CCDC163: variants seen among roughly 807,000 people sequenced by gnomAD.
CCDC163 encodes CCDC163 homolog.
CCDC163 carries 13 observed loss-of-function variants against 8.2 expected under a neutral mutation model. The ratio of observed to expected loss-of-function variants is 1.59; its 90% CI spans 1.04 to 2.54. CCDC163 has a LOEUF of 2.54. Ranked by LOEUF, CCDC163 falls within the 30% of genes most tolerant of loss-of-function variation. The pLI, the probability that CCDC163 is intolerant of heterozygous loss-of-function variation, is 0.00. For missense variants in CCDC163, 117 were observed against 78.6 expected (o/e 1.49, Z -1.85); for synonymous variants, 41 against 30.9 (o/e 1.33, Z -1.08).
intron 2 of CCDC163, among the ~76,000 whole-genome samples, chr1:45,498,883 C>A (rs1456579785): frequency 1.3e-5 from 2 of 152,234 alleles, no homozygotes; most frequent in Non-Finnish European, 2.9e-5. Flanking sequence ...GTGCCTGTCA[C>A]CTCCCCAGGC....
chr1:45,495,653 CT>C, intron 4 of CCDC163: 1 of 572,776 alleles, frequency 1.7e-6, no homozygotes, highest in African/African-American at 2.2e-5. Flanking sequence ...GGTCTCCTCC[CT>C]CTTTTTTTTT....
chr1:45,496,626 G>A lies in CCDC163; in HGVS notation c.263-3C>T, dbSNP rs1267269117. On this transcript the variant is annotated splice_polypyrimidine_tract_variant and splice_region_variant and intron_variant, in intron 3 of 4. Transcript: ENST00000629482. ...CAGCAGCAGCTCCTGGTGCTGGCCT[G>A]CAGATGAGAGAGAATGTAAGGGGGC... 3.9e-6 allele frequency: 3 copies of A among 779,090 alleles called. No homozygotes were observed. Among genetic ancestry groups the A allele is most frequent in the South Asian group, 2.7e-5 (2 of 74,024 alleles). The allele number at this position is 779,090 out of a possible 1,614,324, so 48.3% of individuals were successfully genotyped here.
At chr1:45,496,519 G>A (rs1227552359) in intron 4 of CCDC163, 37 bp downstream of exon 4, 3 of 776,398 alleles carry the variant, frequency 3.9e-6, no homozygotes, top group Non-Finnish European at 4.8e-6. Context: ...GTCCTCCATA[G>A]AGAAATATGC....
intron 2 of CCDC163, 32 bp from the exon 3 acceptor site, chr1:45,497,415 G>A (rs774295136): frequency 2.8e-5 from 22 of 774,848 alleles, no homozygotes; most frequent in Non-Finnish European, 4.6e-5. Flanking sequence ...AGAGTAAGAA[G>A]GCAAGTAGAG....
At chr1:45,495,374 G>A (rs545733399) in intron 4 of CCDC163, 1 of 702,974 alleles carries the variant, frequency 1.4e-6, no homozygotes, top group Non-Finnish European at 2.6e-6. Context: ...GCACCATTCA[G>A]ATTTAGCCTC....
At chr1:45,496,732 A>G in intron 3 of CCDC163, 109 bp from the exon 4 acceptor site, 1 of 665,536 alleles carries the variant, frequency 1.5e-6, no homozygotes, top group Non-Finnish European at 2.7e-6. Context: ...ATTCTGGCTC[A>G]GCCATTGGGA....
intron 2 of CCDC163, 76 bp from the exon 3 acceptor site, chr1:45,497,459 G>T: frequency 1.4e-6 from 1 of 704,028 alleles, no homozygotes. Flanking sequence ...TAGAGAGGAT[G>T]ATCCCCAACT....
rs532234765 is a variant in CCDC163, at chr1:45,499,428, G to A, written c.94C>T (p.Leu32Phe). 2 of 772,776 alleles carry A rather than the reference G, an allele frequency of 2.6e-6. No homozygotes were observed. Among genetic ancestry groups the A allele is most frequent in the African/African-American group, 3.4e-5 (2 of 59,150 alleles). The allele number at this position is 772,776 out of a possible 1,614,324, so 47.9% of individuals were successfully genotyped here. Residue 32 changes from leucine to phenylalanine, a missense_variant, in exon 2 of 5, where the codon CTT becomes TTT. Physicochemically the swap from Leu to Phe is conservative, Grantham distance 22. Transcript: ENST00000629482. ...VVRNKQWLYP[L>F]GVSTELIGLC... ...CCAATGAGCTCTGTGGAGACCCCAA[G>A]AGGATACAGCCACTGCTACAAAAGA...
chr1:45,496,478 C>A (rs1008355526), intron 4 of CCDC163, 78 bp downstream of exon 4: 2 of 735,016 alleles, frequency 2.7e-6, no homozygotes, highest in East Asian at 5.1e-5. Flanking sequence ...CCTGGCCTCC[C>A]TGCAGAACAG....
intron 2 of CCDC163, among the ~76,000 whole-genome samples, chr1:45,497,670 G>C (rs199639390): frequency 1.4e-3 from 87 of 62,736 alleles, no homozygotes; most frequent in African/African-American, 1.7e-3. Context: ...AGTGAGGAGC[G>C]TCTCCGCCCG....
At position 45,495,085 on chromosome 1, in the gene CCDC163, A is replaced by T. The variant is rs1653965875; in HGVS notation, c.412T>A (p.Ser138Thr). The change falls in exon 5 of 5, where the codon TCC becomes ACC. Residue 138 changes from serine (S) to threonine (T), a missense_variant. Transcript: ENST00000629482. Reference protein sequence around the residue: ...MPRVLSKRTYSFGAPKCS With the variant: ...MPRVLSKRTYTFGAPKCS The stretch of plus-strand genomic sequence containing the variant: ...CAGGAGCATTTTGGGGCCCCAAAGG[A>T]ATAGGTCCTCTTGCTTAAGACTCTG... The T allele has an allele frequency of 1.3e-6, 1 of 780,892 alleles. No homozygotes were observed. The highest frequency in any genetic ancestry group is 1.7e-5 in the African/African-American group (1 of 59,254). 48.4% of individuals were successfully genotyped at this position (780,892 alleles called of 1,614,324 possible).
chr1:45,498,045 C>T (rs1417360714), intron 2 of CCDC163, among the ~76,000 whole-genome samples: 1 of 150,676 alleles, frequency 6.6e-6, no homozygotes, highest in Admixed American at 6.6e-5. Context: ...AAGAAAAATT[C>T]TTCTGCCTTG....
chr1:45,497,714 G>A (rs1570805367), intron 2 of CCDC163, among the ~76,000 whole-genome samples: 11 of 43,660 alleles, frequency 2.5e-4, no homozygotes, highest in East Asian at 1.1e-3. Context: ...GGTGGAGGGG[G>A]TCAGCCCCCC....
At chr1:45,498,230 G>C (rs1182459197) in intron 2 of CCDC163, among the ~76,000 whole-genome samples, 1 of 151,844 alleles carries the variant, frequency 6.6e-6, no homozygotes, top group Non-Finnish European at 1.5e-5. Context: ...AGTACCCAGG[G>C]ACACAAACAC....
chr1:45,495,646 C>A (rs2149314562), intron 4 of CCDC163: 6 of 586,650 alleles, frequency 1.0e-5, no homozygotes, highest in South Asian at 1.7e-5. Context: ...GGACTCTGGT[C>A]TCCTCCCTCT....
intron 4 of CCDC163, chr1:45,495,398 A>G: frequency 1.4e-6 from 1 of 702,920 alleles, no homozygotes; most frequent in Non-Finnish European, 2.6e-6. Context: ...CAAAACGGGA[A>G]TCCTTGTCCT....
Position 45,499,336 on chromosome 1 carries a change from A to G in CCDC163, c.177+9T>C, listed in dbSNP as rs780530194. On this transcript the variant is annotated intron_variant, in intron 2 of 4. Coordinates refer to ENST00000629482, the MANE Select transcript of CCDC163 (RefSeq NM_001102601.3). Reference sequence around the variant, plus strand: ...AAAGGGCTTGGAAGTAGAAAGAGACATTACTTACCTGCGGTGGAGACCCCA... The same window carrying G: ...AAAGGGCTTGGAAGTAGAAAGAGACGTTACTTACCTGCGGTGGAGACCCCA... 9 of 771,062 alleles carry G rather than the reference A, an allele frequency of 1.2e-5. No homozygotes were observed. The highest frequency in any genetic ancestry group is 9.6e-5 in the South Asian group (7 of 73,006). 47.8% of individuals were successfully genotyped at this position (771,062 alleles called of 1,614,324 possible). A position where few individuals can be genotyped will look rare whatever the true frequency, so the allele number is the denominator to read the frequency against.
Position 45,499,331 on chromosome 1 carries a change from G to A in CCDC163, c.177+14C>T. 1 of 768,336 alleles carries A rather than the reference G, an allele frequency of 1.3e-6. No individual in the cohort carries two copies. The highest frequency in any genetic ancestry group is 1.7e-5 in the African/African-American group (1 of 58,888). The allele number at this position is 768,336 out of a possible 1,614,324, so 47.6% of individuals were successfully genotyped here. On this transcript the variant is annotated intron_variant, in intron 2 of 4. Transcript: ENST00000629482. Reference sequence around the variant, plus strand: ...AAGAGAAAGGGCTTGGAAGTAGAAAGAGACATTACTTACCTGCGGTGGAGA... The same window carrying A: ...AAGAGAAAGGGCTTGGAAGTAGAAAAAGACATTACTTACCTGCGGTGGAGA...
At chr1:45,497,703 AGGTG>A (rs1557600408) in intron 2 of CCDC163, among the ~76,000 whole-genome samples, 6 of 30,082 alleles carry the variant, frequency 2.0e-4, no homozygotes, top group South Asian at 9.6e-4. Flanking sequence ...TCCGGGAGGG[AGGTG>A]GAGGGGGTCA....
Sources: allele counts gnomAD v4.1 joint callset (sites outside exome capture counted in the v4.1 genomes callset), GRCh38; gene constraint gnomAD v4.1.1; transcripts MANE v1.5; gene names NCBI Gene and HGNC (gene_info 2026-07-23, HGNC 2026-07-21).